PTP4A2: variants seen among roughly 807,000 people sequenced by gnomAD.
PTP4A2 encodes protein tyrosine phosphatase 4A2.
PTP4A2 carries 2 observed loss-of-function variants against 22.9 expected under a neutral mutation model. The observed-to-expected ratio is 0.09, with a 90% CI of 0.04 to 0.27. The LOEUF (loss-of-function observed/expected upper bound fraction) is 0.27. Among genes scored for constraint, PTP4A2 ranks in the 10% least tolerant of loss-of-function variants. The probability of loss-of-function intolerance (pLI) is 1.00; values close to 1 mark genes in which losing one functional copy is unlikely to be tolerated. For missense variants in PTP4A2, 103 were observed against 205.1 expected (o/e 0.50, Z 3.04); for synonymous variants, 68 against 69.1 (o/e 0.98, Z 0.08).
intron 5 of PTP4A2, among the ~76,000 whole-genome samples, chr1:31,909,327 A>T (rs563246435): frequency 6.6e-6 from 1 of 152,250 alleles, no homozygotes; most frequent in African/African-American, 2.4e-5. Flanking sequence ...GATCAATGTC[A>T]AGATCCTGTC....
chr1:31,908,234 T>TTG lies in PTP4A2; in HGVS notation c.*616_*617dup, dbSNP rs1209502080. On this transcript the variant is annotated 3_prime_UTR_variant, in exon 6 of 6. Coordinates refer to ENST00000647444, the MANE Select transcript of PTP4A2 (RefSeq NM_080391.4). ...ACTGCTGTTTTTTTGGTGTTGTTTT[T>TTG]TGTTTTTTTTTTTTTTTTATCTAAA... 1.1e-5 allele frequency: 1 copy of TTG among 93,260 alleles called. No homozygotes were observed. Among genetic ancestry groups the TTG allele is most frequent in the African/African-American group, 5.1e-5 (1 of 19,488 alleles). 5.8% of individuals were successfully genotyped at this position (93,260 alleles called of 1,614,324 possible).
chr1:31,930,289 G>A (rs535208754), intron 1 of PTP4A2, among the ~76,000 whole-genome samples: 13 of 152,102 alleles, frequency 8.5e-5, no homozygotes, highest in Admixed American at 1.3e-4. Flanking sequence ...GCAGTGAGCC[G>A]AGATTGTGCC....
intron 1 of PTP4A2, among the ~76,000 whole-genome samples, chr1:31,936,073 G>A (rs1652922639): frequency 1.3e-5 from 2 of 151,874 alleles, no homozygotes; most frequent in Admixed American, 6.6e-5. Flanking sequence ...ACAGGTATGA[G>A]CCAGCTTGCC....
intron 2 of PTP4A2, 38 bp downstream of exon 2, chr1:31,918,932 G>C: frequency 8.6e-7 from 1 of 1,168,242 alleles, no homozygotes; most frequent in Non-Finnish European, 1.3e-6. Flanking sequence ...ATTTTACCTA[G>C]AAATCAATCC....
intron 1 of PTP4A2, among the ~76,000 whole-genome samples, chr1:31,928,028 C>T (rs1652545798): frequency 6.6e-6 from 1 of 151,716 alleles, no homozygotes; most frequent in Non-Finnish European, 1.5e-5. Flanking sequence ...TCTCTTATAA[C>T]CTACTCCCAA....
chr1:31,922,274 A>G (rs1166564881), intron 1 of PTP4A2, among the ~76,000 whole-genome samples: 2 of 152,378 alleles, frequency 1.3e-5, no homozygotes, highest in Non-Finnish European at 1.5e-5. Context: ...ACCTGAGGTC[A>G]GGAGTTCAAG....
chr1:31,935,120 T>G (rs1005977487), intron 1 of PTP4A2, among the ~76,000 whole-genome samples: 4 of 152,214 alleles, frequency 2.6e-5, no homozygotes, highest in African/African-American at 9.6e-5. Flanking sequence ...CAGAGAAACT[T>G]TGATACAGTG....
chr1:31,911,360 T>C (rs1651526250), intron 4 of PTP4A2: 1 of 171,960 alleles, frequency 5.8e-6, no homozygotes, highest in African/African-American at 2.4e-5. Context: ...TTCCCATTCA[T>C]CTCAGTCCAA....
intron 1 of PTP4A2, chr1:31,924,160 G>C (rs535429457): frequency 1.3e-5 from 2 of 152,142 alleles, no homozygotes; most frequent in Non-Finnish European, 2.9e-5. Flanking sequence ...AGTCTCCAGT[G>C]TGTGTCTGCT....
chr1:31,913,335 GTAAGT>G (rs925178560), intron 3 of PTP4A2, among the ~76,000 whole-genome samples: 10 of 152,184 alleles, frequency 6.6e-5, no homozygotes, highest in Non-Finnish European at 1.3e-4. Flanking sequence ...TTTTTCAAGT[GTAAGT>G]TAAACCTTTC....
intron 1 of PTP4A2, chr1:31,931,002 G>A (rs1306762981): frequency 3.3e-5 from 5 of 151,866 alleles, no homozygotes; most frequent in African/African-American, 9.7e-5. Context: ...AATCTTTCTC[G>A]TCCTCTTCCT....
chr1:31,918,258 A>C (rs1445207020), intron 2 of PTP4A2, among the ~76,000 whole-genome samples: 1 of 152,206 alleles, frequency 6.6e-6, no homozygotes, highest in Admixed American at 6.5e-5. Flanking sequence ...CAAAAAAAAA[A>C]AAAAACTTAT....
intron 1 of PTP4A2, among the ~76,000 whole-genome samples, chr1:31,920,462 A>C (rs1302113487): frequency 6.6e-6 from 1 of 152,020 alleles, no homozygotes; most frequent in Admixed American, 6.6e-5. Context: ...AAAAAACAAA[A>C]AAAATCAGAG....
intron 1 of PTP4A2, among the ~76,000 whole-genome samples, chr1:31,922,177 C>T (rs1278475908): frequency 6.6e-6 from 1 of 152,184 alleles, no homozygotes; most frequent in African/African-American, 2.4e-5. Context: ...ATCAACTACC[C>T]TGACCTTTTA....
At chr1:31,914,464 A>C in intron 3 of PTP4A2, 1 of 318,656 alleles carries the variant, frequency 3.1e-6, no homozygotes, top group Non-Finnish European at 6.3e-6. Flanking sequence ...GGACTGCCTT[A>C]CCAATAGGTC....
rs1248955498 is a variant in PTP4A2, at chr1:31,908,133, T to C, written c.*719A>G. On this transcript the variant is annotated 3_prime_UTR_variant, in exon 6 of 6. Transcript: ENST00000647444. The stretch of plus-strand genomic sequence containing the variant: ...TGGAAAATATATATATATATATATA[T>C]ATTATATTATATATATATATATATA... The C allele has an allele frequency of 5.8e-3, 2 of 344 alleles. No individual in the cohort carries two copies. The highest frequency in any genetic ancestry group is 0.024 in the African/African-American group (2 of 84). The allele number at this position is 344 out of a possible 1,614,324, so 0.0% of individuals were successfully genotyped here.
At chr1:31,917,714 G>A (rs906623606) in intron 2 of PTP4A2, among the ~76,000 whole-genome samples, 4 of 152,152 alleles carry the variant, frequency 2.6e-5, no homozygotes, top group Admixed American at 6.5e-5. Context: ...AGTGGCTCAC[G>A]CCTGTAATCC....
intron 1 of PTP4A2, among the ~76,000 whole-genome samples, chr1:31,926,236 AAAT>A (rs1652458607): frequency 6.6e-6 from 1 of 151,154 alleles, no homozygotes; most frequent in African/African-American, 2.4e-5. Context: ...TTTCCAAATT[AAAT>A]GATACAATAA....
At position 31,920,561 on chromosome 1, in the gene PTP4A2, G is replaced by A. The variant is rs527308391; in HGVS notation, c.-593-903C>T. On this transcript the variant is annotated intron_variant, in intron 1 of 5. Transcript: ENST00000647444. ...CTTTTTTTTTTTTTTTTTTTGAGAC[G>A]GAGCCTTGCTCTGTCACCCAGGCTG... Among the ~76,000 whole-genome samples the A allele has an allele frequency of 1.5e-4, 20 of 131,524 alleles. No homozygotes were observed. The East Asian group carries it at 3.6e-3, about 24-fold the overall frequency. 86.3% of individuals were successfully genotyped at this position (131,524 alleles called of 152,430 possible).
Sources: gnomAD v4.1 joint callset for allele counts (sites outside exome capture counted in the v4.1 genomes callset) on GRCh38, gnomAD v4.1.1 for gene constraint, MANE v1.5 for transcripts, NCBI Gene and HGNC (gene_info 2026-07-23, HGNC 2026-07-21) for gene names.